The following SNTG2 variants were observed in gnomAD, a reference collection of about 807,000 sequenced individuals.
The protein encoded by SNTG2 is syntrophin gamma 2.
SNTG2 carries 74 observed loss-of-function variants against 70.9 expected under a neutral mutation model. The observed-to-expected ratio is 1.04, with a 90% CI of 0.86 to 1.27. SNTG2 has a LOEUF of 1.27. SNTG2 is among the 50% of genes most tolerant of loss of function. The pLI, the probability that SNTG2 is intolerant of heterozygous loss-of-function variation, is 0.00. For missense variants in SNTG2, 717 were observed against 690.7 expected (o/e 1.04, Z -0.43); for synonymous variants, 278 against 273.8 (o/e 1.02, Z -0.15).
chr2:1,009,596 T>C (rs1280683750), intron 1 of SNTG2, among the ~76,000 whole-genome samples: 2 of 122,158 alleles, frequency 1.6e-5, no homozygotes, highest in Non-Finnish European at 3.4e-5. Context: ...CACACCCATG[T>C]CCCCAGGAAG....
intron 16 of SNTG2, among the ~76,000 whole-genome samples, chr2:1,330,024 A>G (rs894020518): frequency 6.6e-6 from 1 of 152,160 alleles, no homozygotes; most frequent in Non-Finnish European, 1.5e-5. Flanking sequence ...CAGATAAACA[A>G]GTGTTGTGAG....
chr2:1,101,197 G>GA (rs1409573154), intron 4 of SNTG2, among the ~76,000 whole-genome samples: 1 of 152,146 alleles, frequency 6.6e-6, no homozygotes, highest in Non-Finnish European at 1.5e-5. Context: ...TTCCCACCCA[G>GA]AGCCTGCCTG....
chr2:1,046,628 T>C (rs1337528009), intron 1 of SNTG2, among the ~76,000 whole-genome samples: 1 of 152,198 alleles, frequency 6.6e-6, no homozygotes, highest in African/African-American at 2.4e-5. Context: ...TTAGTTTTGC[T>C]GGATATGAAA....
intron 6 of SNTG2, chr2:1,160,270 T>A (rs749725151): frequency 6.6e-6 from 1 of 152,076 alleles, no homozygotes; most frequent in African/African-American, 2.4e-5. Context: ...TACAAAGGCA[T>A]AGAATTTCCA....
intron 4 of SNTG2, among the ~76,000 whole-genome samples, chr2:1,109,859 C>G (rs1014313565): frequency 3.9e-5 from 6 of 152,108 alleles, no homozygotes; most frequent in Admixed American, 6.5e-5. Flanking sequence ...GAAAATTGCA[C>G]AGAAAGGAAG....
chr2:1,308,105 T>G (rs1680794024), intron 14 of SNTG2, among the ~76,000 whole-genome samples: 1 of 152,164 alleles, frequency 6.6e-6, no homozygotes, highest in African/African-American at 2.4e-5. Flanking sequence ...GTGGGCCTCA[T>G]GCAAAGAAAA....
chr2:1,222,079 G>A (rs1206468448), intron 9 of SNTG2, among the ~76,000 whole-genome samples: 1 of 14,584 alleles, frequency 6.9e-5, no homozygotes, highest in African/African-American at 2.3e-4. Context: ...CTCTGTCTCT[G>A]TCTCTGTCTC....
chr2:1,047,124 A>T lies in SNTG2; in HGVS notation c.73-36394A>T, dbSNP rs529449122. ...CTTTGAGCTCTGAGATTTGTTCCTC[A>T]GCTTGGTGTATTCTGCTGTTAATAC... On this transcript the variant is annotated intron_variant, in intron 1 of 16. Coordinates refer to ENST00000308624, the MANE Select transcript of SNTG2 (RefSeq NM_018968.4). Among the ~76,000 whole-genome samples the T allele has an allele frequency of 1.1e-3, 175 of 152,258 alleles. 1 individual carries two copies. Among genetic ancestry groups the T allele is most frequent in the Non-Finnish European group, 2.1e-3 (143 of 68,020 alleles).
intron 1 of SNTG2, among the ~76,000 whole-genome samples, chr2:1,002,930 A>G (rs1283755227): frequency 2.0e-5 from 3 of 151,972 alleles, no homozygotes; most frequent in African/African-American, 7.2e-5. Flanking sequence ...AAAAGAATAC[A>G]ATCTTGTCTT....
intron 1 of SNTG2, among the ~76,000 whole-genome samples, chr2:1,031,069 G>C (rs1016825163): frequency 6.6e-6 from 1 of 152,176 alleles, no homozygotes; most frequent in African/African-American, 2.4e-5. Context: ...AAAGCAAAGA[G>C]GTTCTGAGAG....
chr2:1,179,961 T>A (rs1380996549), intron 8 of SNTG2, among the ~76,000 whole-genome samples: 1 of 138,470 alleles, frequency 7.2e-6, no homozygotes, highest in African/African-American at 2.6e-5. Flanking sequence ...AAACAAGCAA[T>A]GGGGAAAGGA....
intron 6 of SNTG2, among the ~76,000 whole-genome samples, chr2:1,156,516 C>A (rs1272285692): frequency 1.3e-5 from 2 of 152,098 alleles, no homozygotes; most frequent in Non-Finnish European, 2.9e-5. Flanking sequence ...GCGCTAGAGT[C>A]CCCAGAGGAT....
chr2:1,291,269 T>A (rs910714706), intron 14 of SNTG2, among the ~76,000 whole-genome samples: 1 of 152,206 alleles, frequency 6.6e-6, no homozygotes, highest in African/African-American at 2.4e-5. Flanking sequence ...CCTTAATAGA[T>A]ATATGATTTA....
At chr2:1,141,740 A>T (rs1421308283) in intron 6 of SNTG2, among the ~76,000 whole-genome samples, 4 of 152,168 alleles carry the variant, frequency 2.6e-5, no homozygotes, top group Non-Finnish European at 2.9e-5. Flanking sequence ...CCAGACACCA[A>T]CGTGGAGGTT....
chr2:1,312,215 G>T (rs950603288), intron 15 of SNTG2, among the ~76,000 whole-genome samples: 1 of 150,654 alleles, frequency 6.6e-6, no homozygotes, highest in South Asian at 2.1e-4. Context: ...TCGATGCAAA[G>T]TTTTTTTTTT....
In SNTG2 at chr2:1,080,725, A is replaced by G. The variant is rs190817567; in HGVS notation, c.73-2793A>G. On this transcript the variant is annotated intron_variant, in intron 1 of 16. Coordinates refer to ENST00000308624, the MANE Select transcript of SNTG2 (RefSeq NM_018968.4). ...ATGTGTGGAGGTATGCATGTGGGCC[A>G]TGTGTGTTGCATGTGGGTGTGTGTG... Among the ~76,000 whole-genome samples the G allele has an allele frequency of 3.0e-3, 462 of 152,002 alleles. 1 individual carries two copies. The highest frequency in any genetic ancestry group is 4.4e-3 in the Non-Finnish European group (298 of 67,978).
intron 8 of SNTG2, among the ~76,000 whole-genome samples, chr2:1,181,671 G>A (rs28461183): frequency 0.34 from 51,381 of 151,946 alleles, 9,158 homozygotes; most frequent in East Asian, 0.65. Flanking sequence ...ATATTTGACA[G>A]TTTTTCCGTG....
intron 1 of SNTG2, among the ~76,000 whole-genome samples, chr2:984,630 C>A (rs1414146558): frequency 1.3e-5 from 2 of 152,312 alleles, no homozygotes; most frequent in East Asian, 3.9e-4. Context: ...TCAGCTGTGG[C>A]CCTGCCGTCC....
intron 1 of SNTG2, among the ~76,000 whole-genome samples, chr2:989,685 T>C (rs1661430482): frequency 6.6e-6 from 1 of 152,264 alleles, no homozygotes; most frequent in African/African-American, 2.4e-5. Context: ...TTTCGATAAT[T>C]CTGGCATTAT....
Sources: allele counts gnomAD v4.1 joint callset (sites outside exome capture counted in the v4.1 genomes callset), GRCh38; gene constraint gnomAD v4.1.1; transcripts MANE v1.5; gene names NCBI Gene and HGNC (gene_info 2026-07-23, HGNC 2026-07-21).